The following AXDND1 variants were observed in gnomAD, a reference collection of about 807,000 sequenced individuals.
AXDND1 encodes the protein axonemal dynein light chain domain containing 1, also known as axonemal dynein light chain domain-containing protein 1.
In AXDND1, 110 loss-of-function variants were observed where a neutral mutation model predicts 137.5. The ratio of observed to expected loss-of-function variants is 0.80; its 90% confidence interval spans 0.69 to 0.94. The LOEUF is 0.94. AXDND1 is among the 40% of genes least tolerant of loss of function. The pLI is 0.00. For synonymous variants in AXDND1, 414 were observed against 399.7 expected, an observed-to-expected ratio of 1.04 and a Z score of -0.43; for missense variants, 1,191 against 1,169.8, an observed-to-expected ratio of 1.02 and a Z score of -0.26.
intron 8 of AXDND1, 149 bp from the exon 9 acceptor site, chr1:179,385,089 C>T (rs1648988414): frequency 1.4e-6 from 1 of 729,744 alleles, no homozygotes; most frequent in African/African-American, 1.8e-5. Flanking sequence ...AATCAAATAT[C>T]ACTTTTGTAT....
intron 15 of AXDND1, among the ~76,000 whole-genome samples, chr1:179,441,514 C>T (rs1164329028): frequency 2.0e-5 from 3 of 152,176 alleles, no homozygotes; most frequent in African/African-American, 4.8e-5. Flanking sequence ...ATTTCCAATC[C>T]GCATTTGCAT....
chr1:179,416,384 T>G (rs1387608216), intron 12 of AXDND1, among the ~76,000 whole-genome samples: 2 of 152,242 alleles, frequency 1.3e-5, no homozygotes, highest in Non-Finnish European at 2.9e-5. Flanking sequence ...TGAATAGTGC[T>G]GGTATCTTTT....
chr1:179,500,760 C>A (rs1667914001), intron 20 of AXDND1, among the ~76,000 whole-genome samples: 1 of 152,196 alleles, frequency 6.6e-6, no homozygotes, highest in Non-Finnish European at 1.5e-5. Context: ...TGAACTCTGC[C>A]TCTCGGGTTC....
intron 25 of AXDND1, chr1:179,543,728 TCAAA>T (rs1672382942): frequency 6.6e-6 from 1 of 152,184 alleles, no homozygotes; most frequent in Non-Finnish European, 1.5e-5. Context: ...GACCCAGAAC[TCAAA>T]CAGTTAAATG....
intron 18 of AXDND1, among the ~76,000 whole-genome samples, chr1:179,488,110 T>C (rs1242821222): frequency 2.0e-5 from 3 of 148,008 alleles, no homozygotes; most frequent in Admixed American, 6.7e-5. Context: ...CAGTTGTTCT[T>C]ACAGTTGTCT....
intron 9 of AXDND1, among the ~76,000 whole-genome samples, chr1:179,388,731 G>T (rs1649610710): frequency 6.6e-6 from 1 of 150,810 alleles, no homozygotes; most frequent in Non-Finnish European, 1.5e-5. Flanking sequence ...GGGACTACAG[G>T]CACACACCAC....
chr1:179,375,500 ATATAATG>A (rs1166883928), intron 4 of AXDND1, among the ~76,000 whole-genome samples: 6 of 92,240 alleles, frequency 6.5e-5, no homozygotes, highest in Admixed American at 5.2e-4. Context: ...AATGTATAAC[ATATAATG>A]TATAATGTAT....
intron 2 of AXDND1, among the ~76,000 whole-genome samples, chr1:179,367,403 T>C (rs879512938): frequency 1.1e-4 from 16 of 152,006 alleles, no homozygotes; most frequent in Admixed American, 9.2e-4. Flanking sequence ...TAGTCCCAGC[T>C]ACTCAGGAGG....
intron 20 of AXDND1, among the ~76,000 whole-genome samples, chr1:179,504,312 T>C (rs918780972): frequency 6.6e-6 from 1 of 152,158 alleles, no homozygotes; most frequent in Non-Finnish European, 1.5e-5. Context: ...CTGCTGCGAA[T>C]AGCCCCTTCT....
At chr1:179,453,913 C>G (rs1418512493) in intron 16 of AXDND1, 2 of 151,988 alleles carry the variant, frequency 1.3e-5, no homozygotes, top group African/African-American at 4.8e-5. Context: ...CTGTATTTAC[C>G]CAATGCCTGT....
At chr1:179,491,354 G>A (rs909030124) in intron 18 of AXDND1, among the ~76,000 whole-genome samples, 184 bp from the exon 19 acceptor site, 5 of 152,016 alleles carry the variant, frequency 3.3e-5, no homozygotes, top group African/African-American at 1.2e-4. Flanking sequence ...GAAGAGAGTA[G>A]CTTAGTGTCA....
At chr1:179,393,442 C>T (rs1650513509) in intron 9 of AXDND1, among the ~76,000 whole-genome samples, 1 of 151,718 alleles carries the variant, frequency 6.6e-6, no homozygotes, top group African/African-American at 2.4e-5. Context: ...ATTTCTTTGG[C>T]TATGTGGGGT....
At chr1:179,405,722 G>C (rs1484931160) in intron 11 of AXDND1, among the ~76,000 whole-genome samples, 1 of 151,622 alleles carries the variant, frequency 6.6e-6, no homozygotes, top group Non-Finnish European at 1.5e-5. Flanking sequence ...TTGTTTGTTT[G>C]TTTGTTTCTG....
At chr1:179,493,241 A>G (rs1667112923) in intron 20 of AXDND1, among the ~76,000 whole-genome samples, 1 of 152,160 alleles carries the variant, frequency 6.6e-6, no homozygotes, top group African/African-American at 2.4e-5. Flanking sequence ...TAGAATTTAT[A>G]AAAATGGAAT....
At position 179,501,644 on chromosome 1, in the gene AXDND1, G is replaced by A. The variant is rs144355061; in HGVS notation, c.2389-7652G>A. Among the ~76,000 whole-genome samples, 382 of 152,170 alleles carry A rather than the reference G, an allele frequency of 2.5e-3. 1 individual carries two copies. The highest frequency in any genetic ancestry group is 8.1e-3 in the African/African-American group (338 of 41,492). ...GGAGAATCGCTTGAACCGGGAAGGC[G>A]GAGGTCACAGTGAGCCAATCACGCC... On this transcript the variant is annotated intron_variant, in intron 20 of 25. Coordinates refer to ENST00000367618, the MANE Select transcript of AXDND1 (RefSeq NM_144696.6).
intron 16 of AXDND1, among the ~76,000 whole-genome samples, chr1:179,467,133 GAT>G (rs1480467475): frequency 6.6e-6 from 1 of 152,096 alleles, no homozygotes. Context: ...ATCCATGAAA[GAT>G]ATTAAAAATT....
At chr1:179,421,046 TTC>T (rs1655611724) in intron 12 of AXDND1, among the ~76,000 whole-genome samples, 1 of 75,402 alleles carries the variant, frequency 1.3e-5, no homozygotes, top group Non-Finnish European at 2.8e-5. Context: ...CCTTCCTTCC[TTC>T]CTTCCTTCCT....
chr1:179,526,020 A>C (rs375259479), intron 22 of AXDND1, among the ~76,000 whole-genome samples: 1 of 152,044 alleles, frequency 6.6e-6, no homozygotes, highest in Non-Finnish European at 1.5e-5. Flanking sequence ...AGCCTCATTT[A>C]TACTTTTATT....
chr1:179,553,817 C>T (rs111530585), intron 25 of AXDND1, among the ~76,000 whole-genome samples: 7,091 of 152,178 alleles, frequency 0.047, 265 homozygotes, highest in Non-Finnish European at 0.07. Flanking sequence ...ACAATCTCGA[C>T]TCACTGCAGC....
Sources: allele counts gnomAD v4.1 joint callset (sites outside exome capture counted in the v4.1 genomes callset), GRCh38; gene constraint gnomAD v4.1.1; transcripts MANE v1.5; gene names NCBI Gene and HGNC (gene_info 2026-07-23, HGNC 2026-07-21).